The following GART variants were observed in gnomAD, a reference collection of about 807,000 sequenced individuals.
GART encodes trifunctional purine biosynthetic protein adenosine-3.
Under a neutral mutation model 107.2 loss-of-function variants are expected in GART, and 43 were observed. The ratio of observed to expected loss-of-function variants is 0.40; its 90% confidence interval spans 0.31 to 0.52. The LOEUF (loss-of-function observed/expected upper bound fraction) is 0.52, where lower values mean the gene tolerates loss of function less well. GART is among the 20% of genes least tolerant of loss of function. The pLI, the probability that GART is intolerant of heterozygous loss-of-function variation, is 0.52. For missense variants in GART, 1,107 were observed against 1,206.5 expected (o/e 0.92, Z 1.22); for synonymous variants, 434 against 427.0 (o/e 1.02, Z -0.20).
rs2085172420 is a variant in GART at position 33,530,818 on chromosome 21, G to A, written c.664C>T (p.Leu222=). The A allele has an allele frequency of 6.5e-7, 1 of 1,541,588 alleles. No individual in the cohort carries two copies. Among genetic ancestry groups the A allele is most frequent in the Admixed American group, 2.2e-5 (1 of 46,106 alleles). The change falls in exon 7 of 22, where the codon CTG becomes TTG. Residue 222 remains leucine, a synonymous_variant. Transcript: ENST00000381815. ...MPPAQDHKRL[L]EGDGGPNTGG... ...GTGTTAGGGCCACCATCTCCCTCCA[G>A]TAATCGCTTATGGTCCTGTGCTGGG...
chr21:33,528,308 G>A lies in GART; in HGVS notation c.925C>T (p.Leu309Phe), dbSNP rs200548814. 1.2e-6 allele frequency: 2 copies of A among 1,614,038 alleles called. No homozygotes were observed. The highest frequency in any genetic ancestry group is 1.3e-5 in the African/African-American group (1 of 75,032). Reference sequence around the variant, plus strand: ...AAGGTGGACTGAATCACTTCATAAAGATCACTTTTAAGAAGTGGGAGGATT... The same window carrying A: ...AAGGTGGACTGAATCACTTCATAAAAATCACTTTTAAGAAGTGGGAGGATT... ...QVILPLLKSD[L>F]YEVIQSTLDG... The change falls in exon 10 of 22, where the codon CTT (leucine) becomes TTT (phenylalanine). Residue 309 changes from leucine to phenylalanine, a missense_variant. Transcript: ENST00000381815.
intron 10 of GART, among the ~76,000 whole-genome samples, chr21:33,527,186 G>A (rs2085089228): frequency 6.6e-6 from 1 of 152,166 alleles, no homozygotes; most frequent in Non-Finnish European, 1.5e-5. Context: ...AATGGACTTG[G>A]TGTCTGGGCA....
At chr21:33,530,982 G>T in intron 6 of GART, 98 bp from the exon 7 acceptor site, 1 of 1,179,230 alleles carries the variant, frequency 8.5e-7, no homozygotes, top group South Asian at 2.3e-5. Context: ...TCTTCTTTGA[G>T]GAAAAGTTTG....
In GART at chr21:33,520,457, A is replaced by C; in HGVS notation, c.1609T>G (p.Tyr537Asp). ...QGAEPLFFLD[Y>D]FSCGKLDLSV... The stretch of plus-strand genomic sequence containing the variant: ...AGGTCAAGTTTTCCACAGGAAAAGT[A>C]ATCAAGGAAGAAGAGGGGCTCTGCT... Residue 537 changes from tyrosine (Y) to aspartate (D), a missense_variant, in exon 14 of 22, where the codon TAC (tyrosine) becomes GAC (aspartate). Physicochemically the swap from Tyr to Asp is radical, Grantham distance 160. Coordinates refer to ENST00000381815, the MANE Select transcript of GART (RefSeq NM_000819.5). 6.2e-7 allele frequency: 1 copy of C among 1,614,196 alleles called. No homozygotes were observed. The highest frequency in any genetic ancestry group is 8.5e-7 in the Non-Finnish European group (1 of 1,180,006).
chr21:33,530,514 G>A (rs2145742593), intron 7 of GART, among the ~76,000 whole-genome samples: 1 of 152,294 alleles, frequency 6.6e-6, no homozygotes, highest in Non-Finnish European at 1.5e-5. Context: ...CAGAGAGGAG[G>A]GAATAGGAGG....
intron 11 of GART, chr21:33,524,346 T>G: frequency 1.8e-5 from 15 of 849,834 alleles, no homozygotes; most frequent in Non-Finnish European, 2.1e-5. Context: ...GCCCAGGATT[T>G]CAGACTGGCC....
intron 2 of GART, among the ~76,000 whole-genome samples, chr21:33,535,842 A>G (rs1048196832): frequency 2.2e-4 from 33 of 152,118 alleles, no homozygotes; most frequent in South Asian, 1.0e-3. Flanking sequence ...AGCCTGAACA[A>G]TATGATGAAA....
At chr21:33,518,159 C>T (rs977147405) in intron 14 of GART, among the ~76,000 whole-genome samples, 3 of 152,160 alleles carry the variant, frequency 2.0e-5, no homozygotes, top group African/African-American at 7.2e-5. Flanking sequence ...AACTTTATTC[C>T]CAGGCTTCTT....
At position 33,535,320 on chromosome 21, in the gene GART, G is replaced by T; in HGVS notation, c.146C>A (p.Ala49Asp). Residue 49 changes from alanine (A) to aspartate (D), a missense_variant and splice_region_variant, in exon 3 of 22, where the codon GCC becomes GAC. Ala to Asp is a moderately radical substitution (Grantham distance 126, BLOSUM62 -2). Coordinates refer to ENST00000381815, the MANE Select transcript of GART (RefSeq NM_000819.5). ...TACSEKISNT[A>D]ISISDHTALA... ...GGCAGTGTGGTCACTGATTGAGATGGCTGTAAACAGAAAAAAAAAAAAAAA... is the reference window on the plus strand; with the variant it reads ...GGCAGTGTGGTCACTGATTGAGATGTCTGTAAACAGAAAAAAAAAAAAAAA... The T allele has an allele frequency of 2.0e-6, 2 of 1,016,076 alleles. No individual in the cohort carries two copies. Among genetic ancestry groups the T allele is most frequent in the Non-Finnish European group, 2.8e-6 (2 of 718,792 alleles). 62.9% of individuals were successfully genotyped at this position (1,016,076 alleles called of 1,614,324 possible). A position where few individuals can be genotyped will look rare whatever the true frequency, so the allele number is the denominator to read the frequency against.
rs397866694 is a variant in GART, at chr21:33,538,241, C to CAAAA, written c.145+926_145+929dup. On this transcript the variant is annotated intron_variant, in intron 2 of 21. Coordinates refer to ENST00000381815, the MANE Select transcript of GART (RefSeq NM_000819.5). ...TATGGGTGAGAGTGAGACTCTGTCT[C>CAAAA]AAAAAAAAAAAAAAAAAAAAAGTCA... Among the ~76,000 whole-genome samples, 192 of 88,046 alleles carry CAAAA rather than the reference C, an allele frequency of 2.2e-3. 7 individuals are homozygous for CAAAA. Among genetic ancestry groups the CAAAA allele is most frequent in the East Asian group, 3.3e-3 (10 of 3,038 alleles). The allele number at this position is 88,046 out of a possible 152,430, so 57.8% of individuals were successfully genotyped here.
At chr21:33,534,823 T>C in intron 3 of GART, 70 bp from the exon 4 acceptor site, 1 of 1,358,792 alleles carries the variant, frequency 7.4e-7, no homozygotes, top group Non-Finnish European at 1.0e-6. Context: ...GAAGACGAAT[T>C]AGTATCAGAC....
chr21:33,519,348 T>C (rs2084929839), intron 14 of GART, among the ~76,000 whole-genome samples: 1 of 151,790 alleles, frequency 6.6e-6, no homozygotes, highest in Admixed American at 6.6e-5. Flanking sequence ...GATCAGGAGA[T>C]TGAGACCATC....
intron 18 of GART, among the ~76,000 whole-genome samples, chr21:33,507,104 C>T (rs984601293): frequency 4.6e-5 from 7 of 152,164 alleles, no homozygotes; most frequent in African/African-American, 1.7e-4. Context: ...GAGATACCTG[C>T]AGTTTCATGT....
intron 16 of GART, among the ~76,000 whole-genome samples, chr21:33,514,622 C>T (rs934638342): frequency 2.6e-5 from 4 of 152,160 alleles, no homozygotes; most frequent in Admixed American, 6.5e-5. Context: ...CAGCAGGCCA[C>T]TGTTTTTTAA....
rs773507612 is a variant in GART at position 33,528,871 on chromosome 21, G to C, written c.790C>G (p.Gln264Glu). The change falls in exon 8 of 22, where the codon CAA becomes GAA. Residue 264 changes from glutamine to glutamate, a missense_variant. Coordinates refer to ENST00000381815, the MANE Select transcript of GART (RefSeq NM_000819.5). ...VLQRTVDGMQQEGTPYTGILY... is the reference protein window; with the variant it reads ...VLQRTVDGMQEEGTPYTGILY... ...CTACCTGTATATGGAGTACCCTCTT[G>C]CTGCATGCCATCCACTGTCCTCTGA... The C allele has an allele frequency of 8.1e-6, 13 of 1,612,664 alleles. No individual in the cohort carries two copies. Among genetic ancestry groups the C allele is most frequent in the Non-Finnish European group, 1.0e-5 (12 of 1,178,888 alleles).
intron 7 of GART, among the ~76,000 whole-genome samples, chr21:33,530,437 C>G (rs567762500): frequency 8.5e-4 from 130 of 152,164 alleles, no homozygotes; most frequent in Non-Finnish European, 1.4e-3. Context: ...CACTTTTGTG[C>G]TGAACCACGG....
At chr21:33,535,591 A>G in intron 2 of GART, among the ~76,000 whole-genome samples, 1 of 152,210 alleles carries the variant, frequency 6.6e-6, no homozygotes, top group Non-Finnish European at 1.5e-5. Context: ...TATCACCTCC[A>G]TGATATTGTT....
chr21:33,533,809 G>A (rs915165837), intron 4 of GART, among the ~76,000 whole-genome samples: 8 of 151,966 alleles, frequency 5.3e-5, no homozygotes, highest in Admixed American at 2.0e-4. Context: ...GGAGGCTGAG[G>A]TGGGAGGATC....
chr21:33,508,454 A>T (rs1401503802), intron 18 of GART, among the ~76,000 whole-genome samples: 1 of 151,882 alleles, frequency 6.6e-6, no homozygotes, highest in African/African-American at 2.4e-5. Flanking sequence ...TACCTGATAG[A>T]AAAATTTTCA....
Sources: allele counts gnomAD v4.1 joint callset (sites outside exome capture counted in the v4.1 genomes callset), GRCh38; gene constraint gnomAD v4.1.1; transcripts MANE v1.5; gene names NCBI Gene and HGNC (gene_info 2026-07-23, HGNC 2026-07-21).